Variants in KALRN observed in about 807,000 individuals in gnomAD.
KALRN encodes the protein kalirin.
KALRN carries 70 observed loss-of-function variants against 353.7 expected under a neutral mutation model. The observed-to-expected ratio is 0.20, with a 90% CI of 0.16 to 0.24. The LOEUF (loss-of-function observed/expected upper bound fraction) is 0.24, where lower values mean the gene tolerates loss of function less well. Among genes scored for constraint, KALRN ranks in the 10% least tolerant of loss-of-function variants. KALRN has a pLI of 1.00. For synonymous variants in KALRN, 1,391 were observed against 1,434.8 expected (o/e 0.97, Z 0.69); for missense variants, 2,791 against 3,756.7 (o/e 0.74, Z 6.72).
At chr3:124,259,847 G>A (rs1252561196) in intron 3 of KALRN, among the ~76,000 whole-genome samples, 1 of 152,170 alleles carries the variant, frequency 6.6e-6, no homozygotes, top group Non-Finnish European at 1.5e-5. Flanking sequence ...ACAGTTACAG[G>A]TTTAAATAGG....
intron 38 of KALRN, 104 bp downstream of exon 38, chr3:124,651,042 C>A: frequency 7.3e-7 from 1 of 1,370,112 alleles, no homozygotes; most frequent in South Asian, 1.3e-5. Flanking sequence ...GCTGTTTCCA[C>A]TGACATCTTT....
intron 10 of KALRN, among the ~76,000 whole-genome samples, chr3:124,358,745 A>G (rs2083691942): frequency 6.6e-6 from 1 of 152,194 alleles, no homozygotes; most frequent in African/African-American, 2.4e-5. Context: ...AGTTATTAAT[A>G]TATATTTCTA....
intron 34 of KALRN, among the ~76,000 whole-genome samples, chr3:124,568,326 T>A (rs1478751225): frequency 6.6e-6 from 1 of 152,218 alleles, no homozygotes; most frequent in Non-Finnish European, 1.5e-5. Context: ...GGATGGCTAT[T>A]GTTTAAAATG....
chr3:124,225,647 G>A (rs2148464657), intron 1 of KALRN, among the ~76,000 whole-genome samples: 1 of 152,300 alleles, frequency 6.6e-6, no homozygotes, highest in Middle Eastern at 3.4e-3. Context: ...ACAATGAGTG[G>A]GTGTGATGGA....
At chr3:124,273,443 C>T (rs903453899) in intron 5 of KALRN, among the ~76,000 whole-genome samples, 20 of 152,190 alleles carry the variant, frequency 1.3e-4, no homozygotes, top group Admixed American at 1.2e-3. Context: ...TGTGTATTCA[C>T]TTTTTTTTAT....
intron 56 of KALRN, among the ~76,000 whole-genome samples, chr3:124,701,220 G>A (rs749361835): frequency 6.6e-6 from 1 of 152,204 alleles, no homozygotes; most frequent in Non-Finnish European, 1.5e-5. Context: ...GCACGCGTGC[G>A]TGAATCATTG....
At chr3:124,492,504 A>G (rs955214930) in intron 31 of KALRN, among the ~76,000 whole-genome samples, 2 of 152,160 alleles carry the variant, frequency 1.3e-5, no homozygotes, top group Admixed American at 6.5e-5. Context: ...AAATACTTTG[A>G]CAGTTACTCC....
intron 34 of KALRN, among the ~76,000 whole-genome samples, chr3:124,588,606 A>G (rs1307401624): frequency 6.6e-6 from 1 of 152,018 alleles, no homozygotes; most frequent in Non-Finnish European, 1.5e-5. Context: ...TTGTATTTTC[A>G]GTAGAGACGG....
chr3:124,508,768 C>T (rs2065527989), intron 33 of KALRN, among the ~76,000 whole-genome samples: 1 of 152,156 alleles, frequency 6.6e-6, no homozygotes, highest in Non-Finnish European at 1.5e-5. Flanking sequence ...ATTTACACTC[C>T]TGCCAATATA....
intron 3 of KALRN, among the ~76,000 whole-genome samples, chr3:124,255,277 A>G (rs955137532): frequency 1.3e-5 from 2 of 152,038 alleles, no homozygotes; most frequent in Admixed American, 6.6e-5. Flanking sequence ...CTAACAAATT[A>G]TTTCTTATAG....
intron 1 of KALRN, among the ~76,000 whole-genome samples, chr3:124,185,949 C>T (rs993993710): frequency 6.6e-6 from 1 of 152,156 alleles, no homozygotes; most frequent in Non-Finnish European, 1.5e-5. Context: ...TGGAGGAAGA[C>T]CTGTGGTATC....
At chr3:124,212,224 TAAA>T (rs138046986) in intron 1 of KALRN, among the ~76,000 whole-genome samples, 1 of 148,368 alleles carries the variant, frequency 6.7e-6, no homozygotes, top group African/African-American at 2.5e-5. Context: ...TAGAAAAGTG[TAAA>T]AAAAAAATGA....
At chr3:124,465,212 C>T (rs1485394875) in intron 25 of KALRN, among the ~76,000 whole-genome samples, 1 of 151,918 alleles carries the variant, frequency 6.6e-6, no homozygotes, top group Non-Finnish European at 1.5e-5. Flanking sequence ...ATGAAGAAAA[C>T]ATAACACCTC....
intron 10 of KALRN, among the ~76,000 whole-genome samples, chr3:124,355,837 CT>C: frequency 6.6e-6 from 1 of 150,964 alleles, no homozygotes; most frequent in Non-Finnish European, 1.5e-5. Flanking sequence ...TGCCTCAGCC[CT>C]CCAAGTAGCT....
rs2039132057 is a variant in KALRN, at chr3:124,033,896, G to T, written c.73+83G>T. Among the ~76,000 whole-genome samples the T allele has an allele frequency of 6.6e-6, 1 of 152,206 alleles. No homozygotes were observed. Among genetic ancestry groups the T allele is most frequent in the African/African-American group, 2.4e-5 (1 of 41,466 alleles). On this transcript the variant is annotated intron_variant, in intron 1 of 59. Transcript: ENST00000682506. This position sits in a 1 kb window ranked among gnomAD's most constrained non-coding sequence, Gnocchi z 6.2. ...TCTCGGACAAGTTTGGGGAAGGAGG[G>T]CTGTTGCTGCCGCGTGCGTGTTGGG...
chr3:124,423,178 C>T (rs80162783), intron 15 of KALRN, among the ~76,000 whole-genome samples, 200 bp downstream of exon 15: 3,965 of 152,304 alleles, frequency 0.026, 176 homozygotes, highest in African/African-American at 0.089. Flanking sequence ...CCCAGTGATA[C>T]AATGGCTCAA....
At chr3:124,094,565 C>A (rs546398147) in intron 1 of KALRN, 17 of 510,046 alleles carry the variant, frequency 3.3e-5, no homozygotes, top group African/African-American at 2.5e-4. Context: ...TTCCTGACTC[C>A]CTCCCACGCA....
intron 1 of KALRN, chr3:124,094,902 G>C: frequency 6.2e-7 from 1 of 1,613,794 alleles, no homozygotes; most frequent in Non-Finnish European, 8.5e-7. Context: ...CTGCTGGATC[G>C]AGGTATCCTG....
chr3:124,131,993 G>C (rs1404553072), intron 1 of KALRN, among the ~76,000 whole-genome samples: 1 of 151,966 alleles, frequency 6.6e-6, no homozygotes, highest in African/African-American at 2.4e-5. Context: ...CTTTTTTTCC[G>C]TATGTGTATT....
Sources: allele counts gnomAD v4.1 joint callset (sites outside exome capture counted in the v4.1 genomes callset), GRCh38; gene constraint gnomAD v4.1.1; non-coding constraint Gnocchi (gnomAD v3.1); transcripts MANE v1.5; gene names NCBI Gene and HGNC (gene_info 2026-07-23, HGNC 2026-07-21).